TACR1: variants seen among roughly 807,000 people sequenced by gnomAD.
The protein encoded by TACR1 is tachykinin receptor 1.
TACR1 carries 25 observed loss-of-function variants against 35.8 expected under a neutral mutation model. The observed-to-expected ratio is 0.70, with a 90% CI of 0.51 to 0.98. The LOEUF (loss-of-function observed/expected upper bound fraction) is 0.98, where lower values mean the gene tolerates loss of function less well. Among genes scored for constraint, TACR1 ranks in the 50% least tolerant of loss-of-function variants. The pLI is 0.00. For missense variants in TACR1, 478 were observed against 522.9 expected (o/e 0.91, Z 0.84); for synonymous variants, 195 against 206.7 (o/e 0.94, Z 0.48).
chr2:75,094,859 A>ATATATATATATATTT, intron 2 of TACR1, among the ~76,000 whole-genome samples: 13 of 113,106 alleles, frequency 1.1e-4, no homozygotes, highest in African/African-American at 6.2e-4. Context: ...ATATATATAT[A>ATATATATATATATTT]TTTTTTTTTT....
intron 1 of TACR1, among the ~76,000 whole-genome samples, chr2:75,148,272 C>T (rs536890771): frequency 2.0e-5 from 3 of 152,260 alleles, no homozygotes; most frequent in African/African-American, 7.2e-5. Context: ...TTTTCTAGTT[C>T]TAGATCCTTG....
At chr2:75,188,949 T>A (rs1470643318) in intron 1 of TACR1, 2 of 152,252 alleles carry the variant, frequency 1.3e-5, no homozygotes, top group African/African-American at 4.8e-5. Context: ...ATATTTTTCA[T>A]GACCTCAGAA....
intron 2 of TACR1, among the ~76,000 whole-genome samples, chr2:75,077,510 A>G (rs1322814087): frequency 1.3e-5 from 2 of 152,240 alleles, no homozygotes; most frequent in Non-Finnish European, 2.9e-5. Context: ...ATCCACAAGT[A>G]TCTGATAATT....
At chr2:75,084,852 G>T (rs533267222) in intron 2 of TACR1, among the ~76,000 whole-genome samples, 39 of 152,068 alleles carry the variant, frequency 2.6e-4, no homozygotes, top group Non-Finnish European at 4.7e-4. Flanking sequence ...TGGTCTATCA[G>T]TTTTGTCAAT....
At chr2:75,085,211 G>A (rs898990368) in intron 2 of TACR1, among the ~76,000 whole-genome samples, 2 of 152,044 alleles carry the variant, frequency 1.3e-5, no homozygotes, top group Non-Finnish European at 2.9e-5. Flanking sequence ...GTCCAAAGAA[G>A]TTTGCCTGTC....
At chr2:75,191,646 G>A (rs555693365) in intron 1 of TACR1, among the ~76,000 whole-genome samples, 1 of 152,182 alleles carries the variant, frequency 6.6e-6, no homozygotes, top group African/African-American at 2.4e-5. Flanking sequence ...TAGAACGGGG[G>A]TTCTGAATCA....
chr2:75,115,111 G>T (rs1362774188), intron 2 of TACR1, among the ~76,000 whole-genome samples: 3 of 150,176 alleles, frequency 2.0e-5, no homozygotes, highest in Non-Finnish European at 2.9e-5. Flanking sequence ...GTGTGTGTGT[G>T]TGTGTGTGTC....
intron 1 of TACR1, among the ~76,000 whole-genome samples, chr2:75,156,041 G>A (rs887255214): frequency 6.6e-6 from 1 of 152,182 alleles, no homozygotes; most frequent in African/African-American, 2.4e-5. Flanking sequence ...GTGTCCATAA[G>A]TTAAGATATC....
intron 4 of TACR1, 166 bp downstream of exon 4, chr2:75,051,085 T>G: frequency 2.5e-6 from 2 of 812,222 alleles, no homozygotes; most frequent in Non-Finnish European, 3.9e-6. Context: ...CATTCCTGGA[T>G]GGTGATAATC....
intron 1 of TACR1, among the ~76,000 whole-genome samples, chr2:75,155,760 T>C (rs964444819): frequency 1.7e-4 from 26 of 152,216 alleles, no homozygotes; most frequent in Non-Finnish European, 4.4e-5. Context: ...TCAAGAGACA[T>C]AGAAACACTT....
At chr2:75,162,457 A>T (rs1204915694) in intron 1 of TACR1, among the ~76,000 whole-genome samples, 2 of 152,228 alleles carry the variant, frequency 1.3e-5, no homozygotes, top group Non-Finnish European at 2.9e-5. Flanking sequence ...GTGCCTTCAT[A>T]TGAAAGTTTA....
intron 2 of TACR1, among the ~76,000 whole-genome samples, chr2:75,106,206 T>C (rs534021761): frequency 6.6e-6 from 1 of 152,108 alleles, no homozygotes; most frequent in South Asian, 2.1e-4. Flanking sequence ...CATCGAAAGT[T>C]AACATAAATA....
At chr2:75,190,538 C>T (rs1178622442) in intron 1 of TACR1, among the ~76,000 whole-genome samples, 3 of 152,104 alleles carry the variant, frequency 2.0e-5, no homozygotes, top group Admixed American at 6.5e-5. Flanking sequence ...AGAATGGACA[C>T]GTATAATGGA....
At chr2:75,165,457 C>T (rs553356378) in intron 1 of TACR1, among the ~76,000 whole-genome samples, 70 of 152,130 alleles carry the variant, frequency 4.6e-4, no homozygotes, top group Middle Eastern at 6.8e-3. Context: ...TACAGGCAAC[C>T]GCCACCATGC....
chr2:75,058,201 C>T (rs1672607782), intron 2 of TACR1, among the ~76,000 whole-genome samples: 1 of 152,114 alleles, frequency 6.6e-6, no homozygotes, highest in African/African-American at 2.4e-5. Flanking sequence ...AATGAAATTC[C>T]ATTATTAGAA....
At chr2:75,184,696 G>T (rs1209920238) in intron 1 of TACR1, among the ~76,000 whole-genome samples, 1 of 150,892 alleles carries the variant, frequency 6.6e-6, no homozygotes, top group African/African-American at 2.4e-5. Context: ...AACCAAAAAA[G>T]TTAAATTTAT....
At chr2:75,106,963 G>T (rs1050517949) in intron 2 of TACR1, among the ~76,000 whole-genome samples, 2 of 151,474 alleles carry the variant, frequency 1.3e-5, no homozygotes, top group African/African-American at 2.4e-5. Context: ...AAAGAAAAAA[G>T]AATCTTAAGT....
intron 2 of TACR1, among the ~76,000 whole-genome samples, chr2:75,065,159 A>G (rs1672740378): frequency 6.6e-6 from 1 of 152,320 alleles, no homozygotes; most frequent in Admixed American, 6.5e-5. Context: ...ACCTGGACCA[A>G]CCAGTATTCA....
At chr2:75,092,501 G>A (rs1182107566) in intron 2 of TACR1, among the ~76,000 whole-genome samples, 1 of 152,112 alleles carries the variant, frequency 6.6e-6, no homozygotes, top group Non-Finnish European at 1.5e-5. Flanking sequence ...TTAGAAGAAT[G>A]ATTCAGAGAG....
Sources: gnomAD v4.1 joint callset for allele counts (sites outside exome capture counted in the v4.1 genomes callset) on GRCh38, gnomAD v4.1.1 for gene constraint, MANE v1.5 for transcripts, NCBI Gene and HGNC (gene_info 2026-07-23, HGNC 2026-07-21) for gene names.